NWD2: variants seen among roughly 807,000 people sequenced by gnomAD.
NWD2 encodes the protein NACHT and WD repeat domain-containing protein 2.
NWD2 carries 37 observed loss-of-function variants against 132.7 expected under a neutral mutation model. That is an observed-to-expected ratio of 0.28 (90% CI 0.21 to 0.37). NWD2 has a LOEUF of 0.37. Ranked by LOEUF, NWD2 falls within the 10% of genes least tolerant of loss-of-function variation. NWD2 has a pLI of 1.00. For synonymous variants in NWD2, 705 were observed against 803.0 expected, an observed-to-expected ratio of 0.88 and a Z score of 2.06; for missense variants, 1,592 against 2,122.4, an observed-to-expected ratio of 0.75 and a Z score of 4.91.
chr4:37,255,784 A>G (rs192539060), intron 1 of NWD2, among the ~76,000 whole-genome samples: 45 of 152,224 alleles, frequency 3.0e-4, no homozygotes, highest in African/African-American at 8.2e-4. Flanking sequence ...CCTGAGTGAT[A>G]TGACCCTGAG....
intron 2 of NWD2, among the ~76,000 whole-genome samples, chr4:37,326,400 T>G (rs1185262769): frequency 5.3e-5 from 8 of 152,150 alleles, no homozygotes; most frequent in Non-Finnish European, 1.0e-4. Context: ...TCAAACTTAT[T>G]TCCTTTCATC....
chr4:37,271,010 C>T (rs75532393), intron 1 of NWD2, among the ~76,000 whole-genome samples: 1,985 of 151,870 alleles, frequency 0.013, 38 homozygotes, highest in African/African-American at 0.045. Flanking sequence ...TCTTTTCCCC[C>T]ATTGAATTGC....
At chr4:37,437,769 A>T (rs1451332694) in intron 5 of NWD2, among the ~76,000 whole-genome samples, 1 of 152,130 alleles carries the variant, frequency 6.6e-6, no homozygotes, top group Non-Finnish European at 1.5e-5. Flanking sequence ...AAATTTTCTT[A>T]TGGGGACACA....
rs1712425655 is a variant in NWD2 at position 37,439,564 on chromosome 4, G to A, written c.1296+174G>A. On this transcript the variant is annotated intron_variant, in intron 6 of 6. Transcript: ENST00000309447. This position sits in a 1 kb window ranked among gnomAD's most constrained non-coding sequence, Gnocchi z 4.5. ...CTGGTATAACAGTTATATTGAGAGA[G>A]CAAAACTCATGGGGTACAACTGGAA... 6.6e-6 allele frequency among the ~76,000 whole-genome samples: 1 copy of A among 152,152 alleles called. No homozygotes were observed. Among genetic ancestry groups the A allele is most frequent in the Non-Finnish European group, 1.5e-5 (1 of 68,030 alleles).
At chr4:37,396,017 C>G (rs544192285) in intron 3 of NWD2, among the ~76,000 whole-genome samples, 3,341 of 149,972 alleles carry the variant, frequency 0.022, 99 homozygotes, top group Non-Finnish European at 0.031. Flanking sequence ...ATGCAAAAAA[C>G]AAAACAAACT....
chr4:37,424,932 A>C (rs2109324118), intron 3 of NWD2, among the ~76,000 whole-genome samples: 1 of 152,338 alleles, frequency 6.6e-6, no homozygotes, highest in East Asian at 1.9e-4. Context: ...ACTGCACATG[A>C]AGAGCAGAGT....
intron 1 of NWD2, 128 bp downstream of exon 1, chr4:37,245,346 G>T (rs1487543678): frequency 5.3e-6 from 6 of 1,126,930 alleles, no homozygotes; most frequent in Non-Finnish European, 7.3e-6. Flanking sequence ...AGCCGTGGCC[G>T]CCCTGAGCGC....
chr4:37,275,287 C>T (rs1247442716), intron 1 of NWD2, among the ~76,000 whole-genome samples: 2 of 152,076 alleles, frequency 1.3e-5, no homozygotes, highest in Non-Finnish European at 2.9e-5. Flanking sequence ...ACACCAATAA[C>T]AGACAAACAG....
At position 37,313,413 on chromosome 4, in the gene NWD2, C is replaced by T. The variant is rs1433723117; in HGVS notation, c.152-12523C>T. ...TCTTCTAGATTTTCTAGTTTATTTG[C>T]GTAGAGTTATTGGTAGTATTCTCTG... On this transcript the variant is annotated intron_variant, in intron 1 of 6. Coordinates refer to ENST00000309447, the MANE Select transcript of NWD2 (RefSeq NM_001144990.2). 5.3e-5 allele frequency among the ~76,000 whole-genome samples: 8 copies of T among 151,012 alleles called. No homozygotes were observed. In the South Asian group the frequency reaches 8.3e-4, roughly 16 times the overall value.
At chr4:37,374,752 T>C (rs186775166) in intron 3 of NWD2, among the ~76,000 whole-genome samples, 3 of 152,312 alleles carry the variant, frequency 2.0e-5, no homozygotes, top group Non-Finnish European at 2.9e-5. Flanking sequence ...GCCACAGATA[T>C]AGAAATAATA....
intron 2 of NWD2, among the ~76,000 whole-genome samples, chr4:37,344,353 A>C (rs1372059018): frequency 6.6e-6 from 1 of 152,006 alleles, no homozygotes; most frequent in Admixed American, 6.6e-5. Flanking sequence ...TATCTTTTTC[A>C]TCATTTTTTT....
chr4:37,390,094 C>A (rs893944459), intron 3 of NWD2, among the ~76,000 whole-genome samples: 12 of 152,188 alleles, frequency 7.9e-5, no homozygotes, highest in African/African-American at 2.9e-4. Context: ...CCAGCCAAAT[C>A]ATAAGCATTT....
intron 3 of NWD2, among the ~76,000 whole-genome samples, chr4:37,403,580 TTCTC>T (rs1488568162): frequency 4.6e-5 from 7 of 152,228 alleles, no homozygotes; most frequent in African/African-American, 1.7e-4. Context: ...GCATTTTTCT[TTCTC>T]TCATTCTCAC....
chr4:37,263,336 T>G (rs1717684381), intron 1 of NWD2, among the ~76,000 whole-genome samples: 1 of 152,150 alleles, frequency 6.6e-6, no homozygotes, highest in Non-Finnish European at 1.5e-5. Context: ...GAACTGTCCA[T>G]CACTTTCCCT....
In NWD2 at chr4:37,350,129, G is replaced by A. The variant is rs150646179; in HGVS notation, c.241-6237G>A. Among the ~76,000 whole-genome samples, 488 of 152,150 alleles carry A rather than the reference G, an allele frequency of 3.2e-3. 4 individuals carry two copies. The highest frequency in any genetic ancestry group is 0.011 in the African/African-American group (467 of 41,522). ...TGAAGTCAGGTAGTGCAATGCCTCCGGCTTTGTTCTTTTTACTTAGGATTG... is the reference window on the plus strand; with the variant it reads ...TGAAGTCAGGTAGTGCAATGCCTCCAGCTTTGTTCTTTTTACTTAGGATTG... On this transcript the variant is annotated intron_variant, in intron 2 of 6. Coordinates refer to ENST00000309447, the MANE Select transcript of NWD2 (RefSeq NM_001144990.2).
intron 2 of NWD2, among the ~76,000 whole-genome samples, chr4:37,343,071 T>G (rs955789443): frequency 6.6e-6 from 1 of 152,202 alleles, no homozygotes; most frequent in Non-Finnish European, 1.5e-5. Flanking sequence ...CTTGAGATAT[T>G]TGCATCTGGG....
chr4:37,264,073 TG>T (rs1717702033), intron 1 of NWD2, among the ~76,000 whole-genome samples: 1 of 152,182 alleles, frequency 6.6e-6, no homozygotes, highest in Non-Finnish European at 1.5e-5. Flanking sequence ...CAGATTGGAC[TG>T]ACCAACCCAT....
intron 1 of NWD2, among the ~76,000 whole-genome samples, chr4:37,251,344 G>A (rs1006435807): frequency 7.2e-5 from 11 of 152,174 alleles, no homozygotes; most frequent in South Asian, 2.1e-4. Context: ...TGTTATATAC[G>A]TGGTTTATTC....
At chr4:37,276,324 A>T (rs1718012085) in intron 1 of NWD2, among the ~76,000 whole-genome samples, 3 of 152,222 alleles carry the variant, frequency 2.0e-5, no homozygotes, top group African/African-American at 7.2e-5. Flanking sequence ...TTATGCAGCC[A>T]ACAGACACGT....
Sources: allele counts gnomAD v4.1 joint callset (sites outside exome capture counted in the v4.1 genomes callset), GRCh38; gene constraint gnomAD v4.1.1; non-coding constraint Gnocchi (gnomAD v3.1); transcripts MANE v1.5; gene names NCBI Gene and HGNC (gene_info 2026-07-23, HGNC 2026-07-21).